Variants in RALY observed in about 807,000 individuals in gnomAD.
The protein encoded by RALY is RALY heterogeneous nuclear ribonucleoprotein, also known as RNA-binding protein Raly.
RALY carries 15 observed loss-of-function variants against 30.7 expected under a neutral mutation model. The ratio of observed to expected loss-of-function variants is 0.49; its 90% CI spans 0.33 to 0.75. The LOEUF is 0.75. RALY is among the 30% of genes least tolerant of loss of function. The pLI is 0.02. For missense variants in RALY, 339 were observed against 414.3 expected (o/e 0.82, Z 1.58); for synonymous variants, 177 against 170.8 (o/e 1.04, Z -0.28).
chr20:34,082,604 G>C lies in RALY; in HGVS notation c.*2699G>C, dbSNP rs1251561087. The C allele has an allele frequency of 1.3e-5, 2 of 152,212 alleles. No homozygotes were observed. The highest frequency in any genetic ancestry group is 4.8e-5 in the African/African-American group (2 of 41,424). The allele number at this position is 152,212 out of a possible 1,614,324, so 9.4% of individuals were successfully genotyped here. On this transcript the variant is annotated 3_prime_UTR_variant, in exon 10 of 10. Coordinates refer to ENST00000246194, the MANE Select transcript of RALY (RefSeq NM_016732.3). ...ACCTTGGCCCATAAGGCTTTGCCTG[G>C]TCATGCTGGCACCGGGTCATATGCT...
intron 2 of RALY, among the ~76,000 whole-genome samples, chr20:34,047,471 A>G (rs988208739): frequency 1.3e-5 from 2 of 152,178 alleles, no homozygotes; most frequent in African/African-American, 4.8e-5. Context: ...CCACTCTTGC[A>G]TGTGCCCGGG....
chr20:34,048,947 TTCTGTGTGCCAGGAC>T (rs1209568348), intron 2 of RALY, among the ~76,000 whole-genome samples: 2 of 151,930 alleles, frequency 1.3e-5, no homozygotes, highest in East Asian at 3.9e-4. Context: ...TTTTAACACA[TTCTGTGTGCCAGGAC>T]TCTGTGATAA....
At chr20:34,050,763 C>G (rs1464770210) in intron 2 of RALY, among the ~76,000 whole-genome samples, 1 of 152,178 alleles carries the variant, frequency 6.6e-6, no homozygotes, top group Non-Finnish European at 1.5e-5. Flanking sequence ...CCCTTTGGAC[C>G]TATTTCCCAG....
In RALY at chr20:34,072,281, G is replaced by T; in HGVS notation, c.207G>T (p.Arg69=). 6.2e-7 allele frequency: 1 copy of T among 1,614,018 alleles called. No individual in the cohort carries two copies. The change falls in exon 3 of 10, where the codon CGG becomes CGT. Residue 69 remains arginine, a synonymous_variant. Transcript: ENST00000246194. ...FVQYSNERHA[R]AAVLGENGRV... Reference sequence around the variant, plus strand: ...AGTACTCCAATGAGCGCCATGCCCGGGCAGCTGTGCTGGGAGAGAATGGGC... The same window carrying T: ...AGTACTCCAATGAGCGCCATGCCCGTGCAGCTGTGCTGGGAGAGAATGGGC...
intron 2 of RALY, among the ~76,000 whole-genome samples, chr20:34,062,414 C>T (rs966883978): frequency 2.0e-5 from 3 of 152,198 alleles, no homozygotes; most frequent in African/African-American, 7.2e-5. Flanking sequence ...TCAGACAGCC[C>T]ACATGATACC....
chr20:34,028,429 C>T, intron 1 of RALY, among the ~76,000 whole-genome samples: 1 of 152,002 alleles, frequency 6.6e-6, no homozygotes, highest in Non-Finnish European at 1.5e-5. Context: ...AATATACCCA[C>T]AAGCCGGAGA....
At chr20:34,012,557 GC>G (rs945446719) in intron 1 of RALY, among the ~76,000 whole-genome samples, 1 of 151,422 alleles carries the variant, frequency 6.6e-6, no homozygotes, top group Admixed American at 6.6e-5. Flanking sequence ...CCTCACTGTT[GC>G]CCTTCTTGAG....
At chr20:34,067,623 C>T (rs761103832) in intron 2 of RALY, among the ~76,000 whole-genome samples, 2 of 152,178 alleles carry the variant, frequency 1.3e-5, no homozygotes, top group African/African-American at 2.4e-5. Flanking sequence ...TTCTTCTACT[C>T]TTACTAGCCT....
intron 1 of RALY, chr20:34,016,466 A>G (rs1302016432): frequency 6.6e-6 from 1 of 152,266 alleles, no homozygotes; most frequent in Non-Finnish European, 1.5e-5. Flanking sequence ...ACTTAGCACA[A>G]GAAAGCCAAA....
rs554770975 is a variant in RALY, at chr20:34,018,687, G to GT, written c.-92-12829dup. Among the ~76,000 whole-genome samples, 15 of 148,534 alleles carry GT rather than the reference G, an allele frequency of 1.0e-4. No homozygotes were observed. In the South Asian group the frequency reaches 3.3e-3, roughly 32 times the overall value. On this transcript the variant is annotated intron_variant, in intron 1 of 9. Transcript: ENST00000246194. Reference sequence around the variant, plus strand: ...GAAAATTTCTTTTGGTGTTTGTTTTGTTTTTTCCATTAGCAATTTAGTCTT... The same window carrying GT: ...GAAAATTTCTTTTGGTGTTTGTTTTGTTTTTTTCCATTAGCAATTTAGTCTT...
intron 1 of RALY, among the ~76,000 whole-genome samples, chr20:34,013,804 T>TCTATTTCCC (rs1279160342): frequency 1.3e-5 from 2 of 152,172 alleles, no homozygotes; most frequent in African/African-American, 4.8e-5. Context: ...TCTATTTCCC[T>TCTATTTCCC]TGTGTCTCTG....
In RALY at chr20:34,072,206, G is replaced by A; in HGVS notation, c.132G>A (p.Lys44=). ...CAGATGTGGAGACCATCTTCTCTAA[G>A]TATGGCCGTGTGGCCGGCTGTTCTG... ...KKSDVETIFS[K]YGRVAGCSVH... Residue 44 remains lysine (K), a synonymous_variant, in exon 3 of 10, where the codon AAG becomes AAA. Transcript: ENST00000246194. The A allele has an allele frequency of 9.9e-6, 16 of 1,614,258 alleles. No individual in the cohort carries two copies. The highest frequency in any genetic ancestry group is 1.4e-5 in the Non-Finnish European group (16 of 1,180,054).
intron 2 of RALY, among the ~76,000 whole-genome samples, chr20:34,056,830 A>G (rs1436351812): frequency 2.0e-5 from 3 of 152,262 alleles, no homozygotes; most frequent in Admixed American, 2.0e-4. Flanking sequence ...ATAACAGTGT[A>G]AATTGGTGTA....
At chr20:34,067,816 C>CTTT (rs11480087) in intron 2 of RALY, among the ~76,000 whole-genome samples, 11,768 of 132,526 alleles carry the variant, frequency 0.089, 636 homozygotes, top group African/African-American at 0.15. Flanking sequence ...TTTCTTTTTT[C>CTTT]TTTTTTTTTT....
intron 1 of RALY, among the ~76,000 whole-genome samples, chr20:33,995,787 C>G (rs1177022807): frequency 6.6e-6 from 1 of 152,214 alleles, no homozygotes; most frequent in Non-Finnish European, 1.5e-5. Flanking sequence ...TGTCTGAATT[C>G]AGACTGCCTT....
chr20:34,082,045 A>G lies in RALY; in HGVS notation c.*2140A>G, dbSNP rs2034038696. On this transcript the variant is annotated 3_prime_UTR_variant, in exon 10 of 10. Transcript: ENST00000246194. ...ATTGGGCTGGGCCTTGGCCCAGCTT[A>G]GTCAAATCAAAAGGCTTCTATTTGG... 6.6e-6 allele frequency: 1 copy of G among 152,360 alleles called. No individual in the cohort carries two copies. Among genetic ancestry groups the G allele is most frequent in the African/African-American group, 2.4e-5 (1 of 41,468 alleles). The allele number at this position is 152,360 out of a possible 1,614,324, so 9.4% of individuals were successfully genotyped here.
At chr20:34,032,805 T>G (rs2032335773) in intron 2 of RALY, among the ~76,000 whole-genome samples, 1 of 152,188 alleles carries the variant, frequency 6.6e-6, no homozygotes, top group Non-Finnish European at 1.5e-5. Context: ...AGACCTGACC[T>G]TCCTTGGGCT....
chr20:34,003,503 G>A (rs1273635290), intron 1 of RALY, among the ~76,000 whole-genome samples: 2 of 152,124 alleles, frequency 1.3e-5, no homozygotes, highest in African/African-American at 4.8e-5. Context: ...GAAAGCATCT[G>A]GACAGGGGCA....
chr20:34,012,352 A>T (rs890459413), intron 1 of RALY, among the ~76,000 whole-genome samples: 3 of 151,670 alleles, frequency 2.0e-5, no homozygotes, highest in African/African-American at 7.3e-5. Context: ...ACCTTATTTT[A>T]TTTTTTTTGC....
Sources: gnomAD v4.1 joint callset for allele counts (sites outside exome capture counted in the v4.1 genomes callset) on GRCh38, gnomAD v4.1.1 for gene constraint, MANE v1.5 for transcripts, NCBI Gene and HGNC (gene_info 2026-07-23, HGNC 2026-07-21) for gene names.